The following CNTNAP2 variants were observed in gnomAD, a reference collection of about 807,000 sequenced individuals.
CNTNAP2 encodes the protein contactin-associated protein-like 2.
CNTNAP2 carries 98 observed loss-of-function variants against 155.2 expected under a neutral mutation model. That is an observed-to-expected ratio of 0.63 (90% CI 0.54 to 0.75). The LOEUF (loss-of-function observed/expected upper bound fraction) is 0.75, where lower values mean the gene tolerates loss of function less well. Among genes scored for constraint, CNTNAP2 ranks in the 30% least tolerant of loss-of-function variants. The pLI is 0.00. For synonymous variants in CNTNAP2, 651 were observed against 631.2 expected (o/e 1.03, Z -0.47); for missense variants, 1,727 against 1,688.1 (o/e 1.02, Z -0.40).
At chr7:147,544,760 C>T (rs1328579531) in intron 11 of CNTNAP2, among the ~76,000 whole-genome samples, 1 of 152,004 alleles carries the variant, frequency 6.6e-6, no homozygotes, top group Non-Finnish European at 1.5e-5. Context: ...GGGGCAGTTC[C>T]CCCATACTGT....
Position 146,955,308 on chromosome 7 carries a change from C to T in CNTNAP2, c.403-88599C>T, listed in dbSNP as rs546270242. On this transcript the variant is annotated intron_variant, in intron 3 of 23. Transcript: ENST00000361727. ...TTCTCATATACAAGAAGATTTAAGACTGTTTATCCCTGTAGTTGGAAGATT... is the reference window on the plus strand; with the variant it reads ...TTCTCATATACAAGAAGATTTAAGATTGTTTATCCCTGTAGTTGGAAGATT... Among the ~76,000 whole-genome samples, 23 of 152,046 alleles carry T rather than the reference C, an allele frequency of 1.5e-4. No individual in the cohort carries two copies. The South Asian group carries it at 4.6e-3, about 30-fold the overall frequency.
chr7:147,568,373 TCTGA>T (rs1800217575), intron 12 of CNTNAP2, among the ~76,000 whole-genome samples: 1 of 152,204 alleles, frequency 6.6e-6, no homozygotes, highest in Non-Finnish European at 1.5e-5. Context: ...ATGTAATTCT[TCTGA>T]CTGTCTGCAG....
chr7:146,158,636 G>A (rs931401431), intron 1 of CNTNAP2, among the ~76,000 whole-genome samples: 1 of 152,084 alleles, frequency 6.6e-6, no homozygotes, highest in African/African-American at 2.4e-5. Flanking sequence ...TGGAAGAAAG[G>A]GTACCAGTGA....
intron 13 of CNTNAP2, among the ~76,000 whole-genome samples, chr7:147,668,038 A>G (rs2116961859): frequency 6.6e-6 from 1 of 152,252 alleles, no homozygotes; most frequent in East Asian, 1.9e-4. Context: ...CTGGCAGACA[A>G]CTTGAACGTG....
intron 14 of CNTNAP2, among the ~76,000 whole-genome samples, chr7:147,951,571 A>C (rs1800930430): frequency 6.6e-6 from 1 of 152,212 alleles, no homozygotes. Context: ...TTGGGAATAT[A>C]AGCAGCTGAA....
intron 1 of CNTNAP2, among the ~76,000 whole-genome samples, chr7:146,391,049 TAGTG>T (rs1301588499): frequency 6.7e-6 from 1 of 148,180 alleles, no homozygotes; most frequent in Non-Finnish European, 1.5e-5. Context: ...CCTGGCAACA[TAGTG>T]AGACTCTGTC....
intron 13 of CNTNAP2, among the ~76,000 whole-genome samples, chr7:147,656,646 G>A (rs902451533): frequency 1.2e-4 from 19 of 152,036 alleles, no homozygotes; most frequent in Admixed American, 1.2e-3. Flanking sequence ...CAATAGTAAC[G>A]TCAAAGATCA....
chr7:146,405,421 C>A (rs1056526456), intron 1 of CNTNAP2, among the ~76,000 whole-genome samples: 5 of 152,078 alleles, frequency 3.3e-5, no homozygotes, highest in African/African-American at 1.2e-4. Flanking sequence ...GCATGTTATG[C>A]AATAATAAAT....
chr7:146,525,478 G>T (rs1797674761), intron 1 of CNTNAP2, among the ~76,000 whole-genome samples: 1 of 152,072 alleles, frequency 6.6e-6, no homozygotes, highest in Non-Finnish European at 1.5e-5. Flanking sequence ...TAAATGTAAT[G>T]AAATGGTAGT....
intron 1 of CNTNAP2, among the ~76,000 whole-genome samples, chr7:146,724,065 A>G (rs1801386427): frequency 6.6e-6 from 1 of 152,264 alleles, no homozygotes; most frequent in African/African-American, 2.4e-5. Flanking sequence ...CATTTGCTAG[A>G]TGTTGCAGCC....
rs548220734 is a variant in CNTNAP2 at position 147,237,049 on chromosome 7, C to CTTTTTTTTTTTTTTTTTT, written c.1349-63073_1349-63056dup. On this transcript the variant is annotated intron_variant, in intron 8 of 23. Coordinates refer to ENST00000361727, the MANE Select transcript of CNTNAP2 (RefSeq NM_014141.6). The stretch of plus-strand genomic sequence containing the variant: ...CCACTTCCTTTAGCCTTCACCTCCT[C>CTTTTTTTTTTTTTTTTTT]TTTTTTTTTTTTTTTTTTTTTTTTT... Among the ~76,000 whole-genome samples, 91 of 57,476 alleles carry CTTTTTTTTTTTTTTTTTT rather than the reference C, an allele frequency of 1.6e-3. 12 individuals are homozygous for CTTTTTTTTTTTTTTTTTT. Among genetic ancestry groups the CTTTTTTTTTTTTTTTTTT allele is most frequent in the Non-Finnish European group, 2.6e-3 (76 of 29,594 alleles). The allele number at this position is 57,476 out of a possible 152,430, so 37.7% of individuals were successfully genotyped here.
intron 22 of CNTNAP2, among the ~76,000 whole-genome samples, chr7:148,390,765 T>C (rs565520728): frequency 1.3e-5 from 2 of 152,330 alleles, no homozygotes; most frequent in African/African-American, 2.4e-5. Context: ...AGATTCTTTT[T>C]CTCATCTGTA....
chr7:148,222,405 G>C (rs1397856983), intron 19 of CNTNAP2, among the ~76,000 whole-genome samples: 1 of 152,212 alleles, frequency 6.6e-6, no homozygotes, highest in Non-Finnish European at 1.5e-5. Context: ...GCGAGGTTAA[G>C]CTGCCAGCTC....
At chr7:146,799,929 A>G (rs1161443211) in intron 2 of CNTNAP2, among the ~76,000 whole-genome samples, 2 of 152,124 alleles carry the variant, frequency 1.3e-5, no homozygotes, top group Non-Finnish European at 2.9e-5. Flanking sequence ...AATTGCTATG[A>G]AAGATTGGTT....
chr7:146,347,417 C>T (rs1449202162), intron 1 of CNTNAP2, among the ~76,000 whole-genome samples: 1 of 152,030 alleles, frequency 6.6e-6, no homozygotes, highest in Non-Finnish European at 1.5e-5. Flanking sequence ...ATTGAAGGGC[C>T]CAGAGAAGTC....
Position 147,802,093 on chromosome 7 carries a change from C to G in CNTNAP2, c.2099-101472C>G, listed in dbSNP as rs543706996. 9.7e-4 allele frequency among the ~76,000 whole-genome samples: 137 copies of G among 141,766 alleles called. 1 individual carries two copies. Among genetic ancestry groups the G allele is most frequent in the Middle Eastern group, 3.8e-3 (1 of 260 alleles). 93.0% of individuals were successfully genotyped at this position (141,766 alleles called of 152,430 possible). ...TGCCGGGCGGAGGGTCTCCTCACTTCTCAGACGGGGCGGCCGGGCAGAGAC... is the reference window on the plus strand; with the variant it reads ...TGCCGGGCGGAGGGTCTCCTCACTTGTCAGACGGGGCGGCCGGGCAGAGAC... On this transcript the variant is annotated intron_variant, in intron 13 of 23. Coordinates refer to ENST00000361727, the MANE Select transcript of CNTNAP2 (RefSeq NM_014141.6).
At position 147,532,854 on chromosome 7, in the gene CNTNAP2, T is replaced by C. The variant is rs148085985; in HGVS notation, c.1778-29284T>C. On this transcript the variant is annotated intron_variant, in intron 11 of 23. Transcript: ENST00000361727. ...ATAGAGTGGGAAAGACCAGCCCCCA[T>C]GATTCAATTACCTCCCCCTGAGTTC... Among the ~76,000 whole-genome samples, 945 of 152,256 alleles carry C rather than the reference T, an allele frequency of 6.2e-3. 9 individuals carry two copies. The highest frequency in any genetic ancestry group is 0.022 in the African/African-American group (907 of 41,550).
intron 1 of CNTNAP2, among the ~76,000 whole-genome samples, chr7:146,306,255 A>G (rs773486799): frequency 1.3e-5 from 2 of 152,140 alleles, no homozygotes; most frequent in African/African-American, 2.4e-5. Flanking sequence ...GCAATAATTA[A>G]TAGCCTACCA....
chr7:146,219,174 A>G (rs1799165782), intron 1 of CNTNAP2, among the ~76,000 whole-genome samples: 1 of 152,130 alleles, frequency 6.6e-6, no homozygotes, highest in East Asian at 1.9e-4. Context: ...TATCATGAGA[A>G]CAGCATGATC....
Sources: gnomAD v4.1 joint callset for allele counts (sites outside exome capture counted in the v4.1 genomes callset) on GRCh38, gnomAD v4.1.1 for gene constraint, MANE v1.5 for transcripts, NCBI Gene and HGNC (gene_info 2026-07-23, HGNC 2026-07-21) for gene names.